CENPF: variants seen among roughly 807,000 people sequenced by gnomAD.
CENPF encodes the protein centromere protein F, also known as AH antigen.
Under a neutral mutation model 307.3 loss-of-function variants are expected in CENPF, and 214 were observed. The ratio of observed to expected loss-of-function variants is 0.70; its 90% CI spans 0.62 to 0.78. The LOEUF is 0.78. Ranked by LOEUF, CENPF falls within the 30% of genes least tolerant of loss-of-function variation. The pLI, the probability that CENPF is intolerant of heterozygous loss-of-function variation, is 0.00. For synonymous variants in CENPF, 1,259 were observed against 1,270.6 expected (o/e 0.99, Z 0.19); for missense variants, 3,401 against 3,483.9 (o/e 0.98, Z 0.60).
intron 1 of CENPF, among the ~76,000 whole-genome samples, chr1:214,604,676 G>T (rs1399243793): frequency 6.6e-6 from 1 of 152,144 alleles, no homozygotes; most frequent in African/African-American, 2.4e-5. Flanking sequence ...AATTACAGTT[G>T]TGTGTCTCTG....
intron 5 of CENPF, 40 bp from the exon 6 acceptor site, chr1:214,620,615 A>T (rs761082439): frequency 6.4e-6 from 10 of 1,553,164 alleles, no homozygotes; most frequent in African/African-American, 1.4e-5. Context: ...TTGAGTATAT[A>T]AGATCTTTAA....
In CENPF at chr1:214,659,902, A is replaced by AT. The variant is rs931340173; in HGVS notation, c.9141+878dup. ...CTTCAAAGAGTTTGAACAGTCTGTGATTTTACCTTGATTGCTCACTTGTCA... is the reference window on the plus strand; with the variant it reads ...CTTCAAAGAGTTTGAACAGTCTGTGATTTTTACCTTGATTGCTCACTTGTCA... On this transcript the variant is annotated intron_variant, in intron 19 of 19. Transcript: ENST00000366955. This position sits in a 1 kb window ranked among gnomAD's most constrained non-coding sequence, Gnocchi z 4.4. Among the ~76,000 whole-genome samples, 3 of 152,018 alleles carry AT rather than the reference A, an allele frequency of 2.0e-5. No homozygotes were observed. Among genetic ancestry groups the AT allele is most frequent in the East Asian group, 3.9e-4 (2 of 5,192 alleles).
intron 10 of CENPF, among the ~76,000 whole-genome samples, chr1:214,637,548 G>T (rs1305224965): frequency 6.6e-6 from 1 of 151,948 alleles, no homozygotes; most frequent in Non-Finnish European, 1.5e-5. Flanking sequence ...GAACTTGGAG[G>T]TTTTGTCTTG....
chr1:214,638,077 A>T, intron 11 of CENPF, 76 bp downstream of exon 11: 1 of 1,393,994 alleles, frequency 7.2e-7, no homozygotes, highest in Middle Eastern at 2.0e-4. Context: ...GCATTAACAT[A>T]TTAGAGAAAC....
rs202213228 is a variant in CENPF at position 214,645,369 on chromosome 1, A to C, written c.5799A>C (p.Leu1933=). 1 of 1,614,018 alleles carries C rather than the reference A, an allele frequency of 6.2e-7. No individual in the cohort carries two copies. The highest frequency in any genetic ancestry group is 8.5e-7 in the Non-Finnish European group (1 of 1,180,018). ...ADLEVVQTEK[L]CLEKDNENKQ... is the part of the protein sequence containing the mutation. ...TAGAGGTAGTTCAAACAGAGAAGCT[A>C]TGTTTAGAAAAAGACAATGAAAATA... Residue 1933 remains leucine, a synonymous_variant, in exon 13 of 20, where the codon CTA becomes CTC. Transcript: ENST00000366955.
chr1:214,628,079 G>A (rs1440152833), intron 7 of CENPF, among the ~76,000 whole-genome samples: 1 of 152,162 alleles, frequency 6.6e-6, no homozygotes, highest in Non-Finnish European at 1.5e-5. Context: ...TGAGTGCCCA[G>A]GGTCATGTTG....
intron 10 of CENPF, among the ~76,000 whole-genome samples, chr1:214,632,865 A>G (rs1657847526): frequency 6.6e-6 from 1 of 152,230 alleles, no homozygotes. Flanking sequence ...TGTCTACAAC[A>G]TGACTTGTAT....
Position 214,644,919 on chromosome 1 carries a change from T to C in CENPF, c.5349T>C (p.Asn1783=), listed in dbSNP as rs779311995. The change falls in exon 13 of 20, where the codon AAT becomes AAC. Residue 1783 remains asparagine (N), a synonymous_variant. Transcript: ENST00000366955. The part of the protein sequence containing the change: ...QLRVKETSNE[N]LRLLHVIEDR... ...GGGTAAAAGAGACATCAAATGAGAA[T>C]TTGAGATTACTTCATGTGATAGAGG... The C allele has an allele frequency of 7.4e-6, 12 of 1,613,738 alleles. No individual in the cohort carries two copies. Among genetic ancestry groups the C allele is most frequent in the Non-Finnish European group, 8.5e-6 (10 of 1,179,958 alleles).
At chr1:214,620,514 C>A in intron 5 of CENPF, 141 bp from the exon 6 acceptor site, 1 of 844,602 alleles carries the variant, frequency 1.2e-6, no homozygotes, top group Non-Finnish European at 1.9e-6. Flanking sequence ...TTATGGTTTA[C>A]TTGACTTGAT....
intron 14 of CENPF, among the ~76,000 whole-genome samples, chr1:214,651,374 G>C (rs1291672179): frequency 6.6e-6 from 1 of 152,178 alleles, no homozygotes; most frequent in Non-Finnish European, 1.5e-5. Flanking sequence ...GATGAGGTCA[G>C]GAATTATTGC....
In CENPF at chr1:214,642,307, T is replaced by C. The variant is rs369306542; in HGVS notation, c.3969T>C (p.Asp1323=). ...ATGAACTCGTAACTGAGCTGAATGATTCAAGGTCAGAATGTATCACAGCAA... is the reference window on the plus strand; with the variant it reads ...ATGAACTCGTAACTGAGCTGAATGACTCAAGGTCAGAATGTATCACAGCAA... ...EKYELVTELN[D]SRSECITATR... is the part of the protein sequence containing the mutation. Residue 1323 remains aspartate (D), a synonymous_variant, in exon 12 of 20, where the codon GAT becomes GAC. Transcript: ENST00000366955. 1 of 1,613,752 alleles carries C rather than the reference T, an allele frequency of 6.2e-7. No homozygotes were observed. The highest frequency in any genetic ancestry group is 1.3e-5 in the African/African-American group (1 of 75,032).
intron 1 of CENPF, chr1:214,605,430 G>A (rs1004224678): frequency 1.2e-5 from 6 of 498,084 alleles, no homozygotes; most frequent in African/African-American, 5.8e-5. Flanking sequence ...TGAGCTAGAA[G>A]AATCCGCTTT....
intron 7 of CENPF, among the ~76,000 whole-genome samples, chr1:214,626,957 T>C (rs753199085): frequency 1.3e-5 from 2 of 152,238 alleles, no homozygotes; most frequent in Non-Finnish European, 2.9e-5. Context: ...CAAATCCTTG[T>C]TCTGTCTGAC....
In CENPF at chr1:214,645,540, G is replaced by A. The variant is rs749958851; in HGVS notation, c.5970G>A (p.Glu1990=). ...AAAAAATGAAGGAGAAAACACAAGA[G>A]CTTGAGTCTCATCAAAGTGAGTGTC... ...LSEKMKEKTQ[E]LESHQSECLH... Residue 1990 remains glutamate (E), a synonymous_variant, in exon 13 of 20, where the codon GAG becomes GAA. Coordinates refer to ENST00000366955, the MANE Select transcript of CENPF (RefSeq NM_016343.4). 15 of 1,613,970 alleles carry A rather than the reference G, an allele frequency of 9.3e-6. No homozygotes were observed. Among genetic ancestry groups the A allele is most frequent in the Non-Finnish European group, 1.1e-5 (13 of 1,180,014 alleles).
At chr1:214,652,030 G>A (rs549514270) in intron 15 of CENPF, 144 bp downstream of exon 15, 8 of 566,224 alleles carry the variant, frequency 1.4e-5, no homozygotes, top group Middle Eastern at 3.6e-4. Context: ...TTAACTTCAC[G>A]ATCTTTTCCC....
At chr1:214,631,615 T>C (rs1657811178) in intron 9 of CENPF, among the ~76,000 whole-genome samples, 1 of 152,190 alleles carries the variant, frequency 6.6e-6, no homozygotes, top group Admixed American at 6.5e-5. Flanking sequence ...TTCTCCTGCC[T>C]CAGCCTCCCG....
chr1:214,620,424 T>C (rs1292498521), intron 5 of CENPF, among the ~76,000 whole-genome samples: 1 of 152,164 alleles, frequency 6.6e-6, no homozygotes, highest in Non-Finnish European at 1.5e-5. Flanking sequence ...TTTGAATAGA[T>C]TGGGCATGAG....
chr1:214,629,091 A>G lies in CENPF; in HGVS notation c.1114A>G (p.Ser372Gly). The change falls in exon 8 of 20, where the codon AGT (serine) becomes GGT (glycine). Residue 372 changes from serine (S) to glycine (G), a missense_variant. Transcript: ENST00000366955. ...ACTGAAAAAATTGACGGAAGATTTG[A>G]GTTGTCAGCGACAAAATGCAGAAAG... ...QKLKKLTEDL[S>G]CQRQNAESAR... is the part of the protein sequence containing the mutation. The G allele has an allele frequency of 6.2e-7, 1 of 1,611,716 alleles. No homozygotes were observed. The highest frequency in any genetic ancestry group is 1.3e-5 in the African/African-American group (1 of 74,924).
At chr1:214,624,755 T>G (rs1657607343) in intron 7 of CENPF, among the ~76,000 whole-genome samples, 3 of 152,208 alleles carry the variant, frequency 2.0e-5, no homozygotes, top group African/African-American at 7.2e-5. Context: ...TGATTGCTGC[T>G]TGCTTTAGGT....
Sources: gnomAD v4.1 joint callset for allele counts (sites outside exome capture counted in the v4.1 genomes callset) on GRCh38, gnomAD v4.1.1 for gene constraint, Gnocchi (gnomAD v3.1) non-coding constraint, MANE v1.5 for transcripts, NCBI Gene and HGNC (gene_info 2026-07-23, HGNC 2026-07-21) for gene names.